The following GATA4 variants were observed in gnomAD, a reference collection of about 807,000 sequenced individuals.
GATA4 encodes transcription factor GATA-4.
Under a neutral mutation model 37.9 loss-of-function variants are expected in GATA4, and 7 were observed. The ratio of observed to expected loss-of-function variants is 0.18; its 90% CI spans 0.11 to 0.35. The LOEUF (loss-of-function observed/expected upper bound fraction) is 0.35. Ranked by LOEUF, GATA4 falls within the 10% of genes least tolerant of loss-of-function variation. The pLI is 1.00. For synonymous variants in GATA4, 372 were observed against 292.6 expected, an observed-to-expected ratio of 1.27 and a Z score of -2.77; for missense variants, 647 against 653.0, an observed-to-expected ratio of 0.99 and a Z score of 0.10.
intron 2 of GATA4, among the ~76,000 whole-genome samples, chr8:11,747,920 G>A (rs1802108655): frequency 6.6e-6 from 1 of 152,148 alleles, no homozygotes; most frequent in Non-Finnish European, 1.5e-5. Context: ...ATATAGCTTG[G>A]CAAAAATATG....
At chr8:11,741,268 AG>A (rs1169789826) in intron 2 of GATA4, among the ~76,000 whole-genome samples, 1 of 152,110 alleles carries the variant, frequency 6.6e-6, no homozygotes, top group African/African-American at 2.4e-5. Flanking sequence ...GCTTGAACTC[AG>A]GAGTTCAAGA....
chr8:11,731,739 T>C (rs1034540056), intron 2 of GATA4, among the ~76,000 whole-genome samples: 3 of 152,262 alleles, frequency 2.0e-5, no homozygotes, highest in African/African-American at 7.2e-5. Context: ...ATTTTATATG[T>C]ATTTTATCAC....
intron 1 of GATA4, chr8:11,680,900 T>G: frequency 1.0e-6 from 1 of 985,290 alleles, no homozygotes; most frequent in Non-Finnish European, 1.2e-6. Context: ...GTGAGACCCC[T>G]AAAGAGGCCA....
chr8:11,690,911 G>A (rs551880131), upstream of GATA4, among the ~76,000 whole-genome samples: 5 of 152,318 alleles, frequency 3.3e-5, no homozygotes, highest in East Asian at 9.6e-4. Flanking sequence ...AAGATACCCT[G>A]CACAATACCA....
intron 2 of GATA4, among the ~76,000 whole-genome samples, chr8:11,728,465 C>G (rs750365020): frequency 6.6e-6 from 1 of 152,138 alleles, no homozygotes; most frequent in Non-Finnish European, 1.5e-5. Context: ...AACTTCTGGG[C>G]TCAAGCACTC....
chr8:11,679,970 C>T (rs926378274), intron 1 of GATA4, among the ~76,000 whole-genome samples: 4 of 152,224 alleles, frequency 2.6e-5, no homozygotes, highest in African/African-American at 7.2e-5. Context: ...GTTTCTCCCA[C>T]TCCCCGCATG....
Position 11,708,875 on chromosome 8 carries a change from T to C in GATA4, c.563T>C (p.Val188Ala), listed in dbSNP as rs1179676486. 1.3e-6 allele frequency: 2 copies of C among 1,527,402 alleles called. No homozygotes were observed. Among genetic ancestry groups the C allele is most frequent in the South Asian group, 2.4e-5 (2 of 83,606 alleles). The allele number at this position is 1,527,402 out of a possible 1,614,324, so 94.6% of individuals were successfully genotyped here. Reference protein sequence around the residue: ...AASAGPFDSPVLHSLPGRANP... With the variant: ...AASAGPFDSPALHSLPGRANP... ...TCCGCCGGCCCCTTCGACAGCCCGG[T>C]CCTGCACAGCCTGCCCGGCCGGGCC... The change falls in exon 2 of 7, where the codon GTC becomes GCC. Residue 188 changes from valine (V) to alanine (A), a missense_variant. Physicochemically the swap from Val to Ala is moderately conservative, Grantham distance 64. Transcript: ENST00000532059. The surrounding 1 kb of genome is among the most constrained non-coding windows in gnomAD (Gnocchi z 6.7).
rs1799918780 is a variant in GATA4, at chr8:11,707,045, G to C, written c.-457-811G>C. On this transcript the variant is annotated intron_variant, in intron 1 of 6. Coordinates refer to ENST00000532059, the MANE Select transcript of GATA4 (RefSeq NM_001308093.3). This position sits in a 1 kb window ranked among gnomAD's most constrained non-coding sequence, Gnocchi z 4.7. ...ACCTTGGTGTTATGATTCTGCTTAT[G>C]GGTGGATTTATTATTCTATATGAAG... Among the ~76,000 whole-genome samples, 1 of 152,212 alleles carries C rather than the reference G, an allele frequency of 6.6e-6. No individual in the cohort carries two copies. Among genetic ancestry groups the C allele is most frequent in the Non-Finnish European group, 1.5e-5 (1 of 68,040 alleles).
chr8:11,759,425 T>C lies in GATA4; in HGVS notation c.*950T>C, dbSNP rs1388057332. On this transcript the variant is annotated 3_prime_UTR_variant, in exon 7 of 7. Coordinates refer to ENST00000532059, the MANE Select transcript of GATA4 (RefSeq NM_001308093.3). ...CAGAGTCCTGGTCAGGGGGCAGGAG[T>C]GTCCCAAGGGCTGGCCCACCTGCTG... 1.3e-5 allele frequency: 2 copies of C among 152,202 alleles called. No individual in the cohort carries two copies. Among genetic ancestry groups the C allele is most frequent in the African/African-American group, 4.8e-5 (2 of 41,380 alleles). 9.4% of individuals were successfully genotyped at this position (152,202 alleles called of 1,614,324 possible).
At chr8:11,718,540 TA>T (rs1324240828) in intron 2 of GATA4, among the ~76,000 whole-genome samples, 1 of 152,218 alleles carries the variant, frequency 6.6e-6, no homozygotes, top group Non-Finnish European at 1.5e-5. Flanking sequence ...TTTTGGAGGA[TA>T]AAAAATCAAG....
intron 4 of GATA4, among the ~76,000 whole-genome samples, chr8:11,753,711 C>T (rs1802417249): frequency 6.6e-6 from 1 of 152,138 alleles, no homozygotes; most frequent in Non-Finnish European, 1.5e-5. Context: ...CATCTACCCA[C>T]AGTTAAATAG....
intron 2 of GATA4, among the ~76,000 whole-genome samples, chr8:11,716,381 G>A (rs1319448228): frequency 6.6e-6 from 1 of 151,958 alleles, no homozygotes; most frequent in Non-Finnish European, 1.5e-5. Context: ...TAAGGCATAA[G>A]TTGTTTTTTA....
chr8:11,731,574 C>A (rs931224932), intron 2 of GATA4, among the ~76,000 whole-genome samples: 29 of 152,210 alleles, frequency 1.9e-4, no homozygotes, highest in African/African-American at 6.0e-4. Context: ...GGTGGTGGGG[C>A]CAGGATCGGG....
At chr8:11,741,254 G>C (rs1801723931) in intron 2 of GATA4, among the ~76,000 whole-genome samples, 1 of 152,110 alleles carries the variant, frequency 6.6e-6, no homozygotes, top group Admixed American at 6.5e-5. Context: ...GAGGCGGGAG[G>C]ATTGCTTGAA....
Position 11,679,177 on chromosome 8 carries a change from T to TGGGG in GATA4, c.-274+2115_-274+2116insGGGG, listed in dbSNP as rs139702828. ...GATTCGAGGCAATTATCCGAATAAT[T>TGGGG]GCGGGGGGGGGCACTTTCGCCTGAA... is the stretch of plus-strand genomic sequence containing the variant. On this transcript the variant is annotated intron_variant, in intron 1 of 6. Coordinates refer to the GATA4 transcript ENST00000528712. Among the ~76,000 whole-genome samples, 6 of 130,468 alleles carry TGGGG rather than the reference T, an allele frequency of 4.6e-5. 1 individual carries two copies. Among genetic ancestry groups the TGGGG allele is most frequent in the South Asian group, 2.6e-4 (1 of 3,870 alleles). 85.6% of individuals were successfully genotyped at this position (130,468 alleles called of 152,430 possible).
intron 2 of GATA4, among the ~76,000 whole-genome samples, chr8:11,739,586 G>A (rs1801624950): frequency 1.3e-5 from 2 of 151,480 alleles, no homozygotes; most frequent in Non-Finnish European, 2.9e-5. Context: ...TATATTGTGT[G>A]TCCAGGAACA....
chr8:11,708,900 C>T lies in GATA4; in HGVS notation c.588C>T (p.Ala196=), dbSNP rs1060503829. ...SPVLHSLPGR[A]NPAARHPNLV... is the part of the protein sequence containing the mutation. Reference sequence around the variant, plus strand: ...TCCTGCACAGCCTGCCCGGCCGGGCCAACCCGGCCGCCCGACACCCCAATC... The same window carrying T: ...TCCTGCACAGCCTGCCCGGCCGGGCTAACCCGGCCGCCCGACACCCCAATC... The change falls in exon 2 of 7, where the codon GCC becomes GCT. Residue 196 remains alanine, a synonymous_variant. Coordinates refer to ENST00000532059, the MANE Select transcript of GATA4 (RefSeq NM_001308093.3). The surrounding 1 kb of genome is among the most constrained non-coding windows in gnomAD (Gnocchi z 6.7). 10 of 1,528,252 alleles carry T rather than the reference C, an allele frequency of 6.5e-6. No individual in the cohort carries two copies. Among genetic ancestry groups the T allele is most frequent in the Admixed American group, 5.9e-5 (3 of 50,736 alleles). The allele number at this position is 1,528,252 out of a possible 1,614,324, so 94.7% of individuals were successfully genotyped here. A position where few individuals can be genotyped will look rare whatever the true frequency, so the allele number is the denominator to read the frequency against.
chr8:11,705,261 C>G (rs1401138872), intron 1 of GATA4, among the ~76,000 whole-genome samples: 2 of 151,772 alleles, frequency 1.3e-5, no homozygotes, highest in East Asian at 1.9e-4. Flanking sequence ...GAGCAGGTTT[C>G]AGGCTTTTAA....
At chr8:11,713,910 A>G (rs1800316773) in intron 2 of GATA4, among the ~76,000 whole-genome samples, 1 of 151,198 alleles carries the variant, frequency 6.6e-6, no homozygotes, top group Non-Finnish European at 1.5e-5. Flanking sequence ...CTTTTAAAGA[A>G]CCCAGTCACG....
Sources: allele counts gnomAD v4.1 joint callset (sites outside exome capture counted in the v4.1 genomes callset), GRCh38; gene constraint gnomAD v4.1.1; non-coding constraint Gnocchi (gnomAD v3.1); transcripts MANE v1.5; gene names NCBI Gene and HGNC (gene_info 2026-07-23, HGNC 2026-07-21).